MED16: variants seen among roughly 807,000 people sequenced by gnomAD.
MED16 encodes mediator complex subunit 16, also known as mediator of RNA polymerase II transcription subunit 16.
MED16 carries 81 observed loss-of-function variants against 84.4 expected under a neutral mutation model. The observed-to-expected ratio is 0.96, with a 90% CI of 0.80 to 1.15. The LOEUF (loss-of-function observed/expected upper bound fraction) is 1.15, where lower values mean the gene tolerates loss of function less well. Ranked by LOEUF, MED16 falls within the 50% of genes most tolerant of loss-of-function variation. MED16 has a pLI of 0.00. For missense variants in MED16, 1,585 were observed against 1,245.9 expected (o/e 1.27, Z -4.10); for synonymous variants, 897 against 552.2 (o/e 1.62, Z -8.76).
chr19:872,202 C>G (rs1056894931), intron 11 of MED16, 84 bp from the exon 12 acceptor site: 7 of 1,206,728 alleles, frequency 5.8e-6, no homozygotes, highest in Non-Finnish European at 8.1e-6. Context: ...GGTGGAACCC[C>G]GACCGGGGGG....
At position 871,136 on chromosome 19, in the gene MED16, ACCAGGCCGTCGCTGGCTGGCAGCCAGT is replaced by A; in HGVS notation, c.2189_2215del (p.Asp730_Leu738del). 1 of 1,548,332 alleles carries A rather than the reference ACCAGGCCGTCGCTGGCTGGCAGCCAGT, an allele frequency of 6.5e-7. No homozygotes were observed. Among genetic ancestry groups the A allele is most frequent in the Non-Finnish European group, 8.7e-7 (1 of 1,145,690 alleles). On this transcript the variant is annotated inframe_deletion, in exon 13 of 16. Transcript: ENST00000325464. Reference sequence around the variant, plus strand: ...GGGCTGCTTGGGCTGCAGGCGGCTAACCAGGCCGTCGCTGGCTGGCAGCCAGTCCAGGCTGGGGATAAGCAGCTGGCT... The same window carrying A: ...GGGCTGCTTGGGCTGCAGGCGGCTAACCAGGCTGGGGATAAGCAGCTGGCT...
At chr19:890,845 G>A (rs1410221007) in intron 2 of MED16, 118 bp downstream of exon 2, 4 of 1,130,638 alleles carry the variant, frequency 3.5e-6, no homozygotes, top group Admixed American at 5.6e-5. Context: ...AGGAGGGCCA[G>A]GGTGAGTGAG....
At chr19:885,110 C>G (rs2036499979) in intron 5 of MED16, 102 bp from the exon 6 acceptor site, 5 of 856,926 alleles carry the variant, frequency 5.8e-6, no homozygotes, top group African/African-American at 5.0e-5. Context: ...CACTGCTGGG[C>G]CTGTCTCTTC....
At chr19:869,452 G>C (rs1170099398) in intron 13 of MED16, among the ~76,000 whole-genome samples, 1 of 152,120 alleles carries the variant, frequency 6.6e-6, no homozygotes, top group Non-Finnish European at 1.5e-5. Context: ...GGGTGGGCCG[G>C]CTTATTCTGC....
intron 2 of MED16, among the ~76,000 whole-genome samples, chr19:890,582 C>G (rs941817326): frequency 6.6e-6 from 1 of 152,194 alleles, no homozygotes; most frequent in African/African-American, 2.4e-5. Context: ...CTAATGACCA[C>G]GTATTATGAG....
intron 4 of MED16, among the ~76,000 whole-genome samples, chr19:888,793 C>A (rs1367210539): frequency 6.6e-6 from 1 of 152,202 alleles, no homozygotes; most frequent in Non-Finnish European, 1.5e-5. Flanking sequence ...CCGACAATGG[C>A]AGTCCCTGGG....
intron 5 of MED16, among the ~76,000 whole-genome samples, chr19:885,539 C>T (rs1171509194): frequency 1.3e-5 from 2 of 152,084 alleles, no homozygotes; most frequent in Admixed American, 6.5e-5. Context: ...GAAGAGGCTG[C>T]GCTGTGGCCA....
Position 873,563 on chromosome 19 carries a change from G to C in MED16, c.1791C>G (p.Ile597Met). The C allele has an allele frequency of 6.2e-7, 1 of 1,612,410 alleles. No homozygotes were observed. The highest frequency in any genetic ancestry group is 8.5e-7 in the Non-Finnish European group (1 of 1,179,706). Residue 597 changes from isoleucine to methionine, a missense_variant, in exon 11 of 16, where the codon ATC becomes ATG. Physicochemically the swap from Ile to Met is conservative, Grantham distance 10. Transcript: ENST00000325464. ...ITDVDIDKVM[I>M]NLKTEEFVLD... ...GCACAAATTCCTCCGTCTTGAGGTTGATCATGACCTTGTCAATGTCTACAA... is the reference window on the plus strand; with the variant it reads ...GCACAAATTCCTCCGTCTTGAGGTTCATCATGACCTTGTCAATGTCTACAA...
chr19:873,743 G>T (rs1651888), intron 10 of MED16, among the ~76,000 whole-genome samples, 161 bp from the exon 11 acceptor site: 3 of 151,792 alleles, frequency 2.0e-5, no homozygotes, highest in Admixed American at 6.6e-5. Context: ...GTTGCCGGAC[G>T]GAGAGGAACT....
At chr19:871,459 G>T in intron 12 of MED16, 2 of 1,416,332 alleles carry the variant, frequency 1.4e-6, no homozygotes, top group Non-Finnish European at 1.9e-6. Flanking sequence ...TTCTCTCCCC[G>T]TCTCTGGCCT....
At chr19:883,591 T>G (rs1012132237) in intron 6 of MED16, among the ~76,000 whole-genome samples, 1 of 152,080 alleles carries the variant, frequency 6.6e-6, no homozygotes, top group African/African-American at 2.4e-5. Flanking sequence ...GTGGCATGTG[T>G]GTGAGACGTG....
intron 6 of MED16, among the ~76,000 whole-genome samples, chr19:884,223 C>T (rs910466395): frequency 9.2e-5 from 14 of 152,226 alleles, no homozygotes; most frequent in African/African-American, 3.4e-4. Flanking sequence ...AAAAACCAGG[C>T]CCGCAGCCTC....
At position 886,022 on chromosome 19, in the gene MED16, C is replaced by A; in HGVS notation, c.627G>T (p.Leu209=). 6.3e-7 allele frequency: 1 copy of A among 1,599,842 alleles called. No individual in the cohort carries two copies. The highest frequency in any genetic ancestry group is 8.5e-7 in the Non-Finnish European group (1 of 1,175,554). The change falls in exon 5 of 16, where the codon CTG becomes CTT. Residue 209 remains leucine, a synonymous_variant. Coordinates refer to ENST00000325464, the MANE Select transcript of MED16 (RefSeq NM_005481.3). ...TGTCGGCCAGGGCCACGCGGCCGCG[C>A]AGCCGGCACAGGCTCTCGGTGGACG... The part of the protein sequence containing the change: ...VLTSTESLCR[L]RGRVALADIA...
In MED16 at chr19:890,176, GCT is replaced by G; in HGVS notation, c.236_237del (p.Glu79AlafsTer37). 1 of 1,553,344 alleles carries G rather than the reference GCT, an allele frequency of 6.4e-7. No individual in the cohort carries two copies. Among genetic ancestry groups the G allele is most frequent in the Non-Finnish European group, 8.7e-7 (1 of 1,148,334 alleles). Reference sequence around the variant, plus strand: ...TCCAGGCAGGTGATGGCCTCGTGGTGCTCTGAGGGGATCGAGTGCAGGTCCCA... The same window carrying G: ...TCCAGGCAGGTGATGGCCTCGTGGTGCTGAGGGGATCGAGTGCAGGTCCCA... ...HPWDLHSIPS[E>X]HHEAITCLEW... On this transcript the variant is annotated frameshift_variant, in exon 3 of 16. Coordinates refer to ENST00000325464, the MANE Select transcript of MED16 (RefSeq NM_005481.3). LOFTEE classifies it high-confidence loss of function.
intron 8 of MED16, among the ~76,000 whole-genome samples, chr19:878,549 G>C (rs1392027162): frequency 1.7e-3 from 153 of 92,076 alleles, no homozygotes; most frequent in Middle Eastern, 0.013. Flanking sequence ...GGTTGTCAAT[G>C]CCCACCAGCC....
chr19:874,937 C>T (rs934084778), intron 10 of MED16, among the ~76,000 whole-genome samples: 2 of 151,450 alleles, frequency 1.3e-5, no homozygotes, highest in African/African-American at 4.9e-5. Flanking sequence ...CCGAGGCGGG[C>T]GGATCATTTG....
intron 6 of MED16, among the ~76,000 whole-genome samples, chr19:884,234 C>T (rs541153095): frequency 1.5e-4 from 23 of 152,336 alleles, no homozygotes; most frequent in Admixed American, 2.6e-4. Context: ...CCGCAGCCTC[C>T]GAGGCTCTGA....
chr19:885,022 G>A lies in MED16; in HGVS notation c.880-14C>T, dbSNP rs553078648. ...GCACAAAAGCACCTGCGGGGGAGGT[G>A]GGGGTGAGGGCTGACCCGGCACTGC... On this transcript the variant is annotated splice_polypyrimidine_tract_variant and intron_variant, in intron 5 of 15. Transcript: ENST00000325464. The A allele has an allele frequency of 2.5e-6, 4 of 1,577,782 alleles. No homozygotes were observed. The Admixed American group carries it at 5.3e-5, about 21-fold the overall frequency.
At chr19:883,559 G>A (rs1371922402) in intron 6 of MED16, among the ~76,000 whole-genome samples, 1 of 152,160 alleles carries the variant, frequency 6.6e-6, no homozygotes, top group African/African-American at 2.4e-5. Context: ...AGCTGCCAGG[G>A]ATGTGAGACC....
Sources: allele counts gnomAD v4.1 joint callset (sites outside exome capture counted in the v4.1 genomes callset), GRCh38; gene constraint gnomAD v4.1.1; transcripts MANE v1.5; gene names NCBI Gene and HGNC (gene_info 2026-07-23, HGNC 2026-07-21).